UNC79: variants seen among roughly 807,000 people sequenced by gnomAD.
UNC79 encodes protein unc-79 homolog.
Under a neutral mutation model 283.1 loss-of-function variants are expected in UNC79, and 37 were observed. The ratio of observed to expected loss-of-function variants is 0.13; its 90% CI spans 0.10 to 0.17. The LOEUF is 0.17. UNC79 is among the 10% of genes least tolerant of loss of function. UNC79 has a pLI of 1.00. For missense variants in UNC79, 2,272 were observed against 3,211.1 expected (o/e 0.71, Z 7.07); for synonymous variants, 1,107 against 1,200.2 (o/e 0.92, Z 1.61).
At chr14:93,573,834 G>A (rs913864012) in intron 16 of UNC79, among the ~76,000 whole-genome samples, 14 of 152,236 alleles carry the variant, frequency 9.2e-5, no homozygotes, top group African/African-American at 2.9e-4. Context: ...GCCAAAGCCC[G>A]TCTCTACAAA....
Position 93,659,275 on chromosome 14 carries a change from A to G in UNC79, c.6525+14A>G, listed in dbSNP as rs764833523. ...AATGCTACAAGGGTATGTATGTTTC[A>G]GAAAAACATAACCAATTGGTTAGTC... On this transcript the variant is annotated intron_variant, in intron 39 of 48. Transcript: ENST00000555664. 1 of 1,594,658 alleles carries G rather than the reference A, an allele frequency of 6.3e-7. No individual in the cohort carries two copies. The highest frequency in any genetic ancestry group is 1.2e-5 in the South Asian group (1 of 86,936).
At chr14:93,379,481 C>T (rs1231374966) in intron 1 of UNC79, among the ~76,000 whole-genome samples, 2 of 152,120 alleles carry the variant, frequency 1.3e-5, no homozygotes, top group Admixed American at 1.3e-4. Flanking sequence ...CAAGTATCAC[C>T]TTACATCCTG....
intron 7 of UNC79, among the ~76,000 whole-genome samples, chr14:93,501,972 T>C (rs1167942842): frequency 6.6e-6 from 1 of 152,208 alleles, no homozygotes; most frequent in African/African-American, 2.4e-5. Context: ...AATTATATAT[T>C]ATTTTCTAAA....
At chr14:93,681,126 A>G (rs2073812679) in intron 41 of UNC79, among the ~76,000 whole-genome samples, 2 of 152,204 alleles carry the variant, frequency 1.3e-5, no homozygotes, top group African/African-American at 4.8e-5. Context: ...TTCAGAGTTA[A>G]TGGCTAAATA....
chr14:93,605,715 C>T (rs557690883), intron 26 of UNC79, among the ~76,000 whole-genome samples: 2 of 152,220 alleles, frequency 1.3e-5, no homozygotes, highest in East Asian at 3.8e-4. Context: ...CAGAATGGTA[C>T]AGACATTCTC....
intron 16 of UNC79, among the ~76,000 whole-genome samples, 192 bp from the exon 17 acceptor site, chr14:93,574,866 A>T (rs2063388946): frequency 1.3e-5 from 2 of 152,302 alleles, no homozygotes; most frequent in African/African-American, 4.8e-5. Context: ...GGGTGAGGAA[A>T]GGAGAAAGTT....
exon 4 of UNC79, chr14:93,477,679 C>T: frequency 1.2e-6 from 2 of 1,613,422 alleles, no homozygotes; most frequent in Non-Finnish European, 1.7e-6. Flanking sequence ...CATTTCTGCA[C>T]AAGGATATCA....
At chr14:93,352,792 A>G (rs2054002927) in intron 1 of UNC79, among the ~76,000 whole-genome samples, 1 of 152,212 alleles carries the variant, frequency 6.6e-6, no homozygotes, top group Non-Finnish European at 1.5e-5. Context: ...GGACTTAACA[A>G]TGGGGTTACC....
upstream of UNC79, among the ~76,000 whole-genome samples, chr14:93,427,657 A>AT (rs368982819): frequency 5.5e-4 from 81 of 146,424 alleles, no homozygotes; most frequent in South Asian, 3.2e-3. Flanking sequence ...TAAGAAGCAG[A>AT]TTTTTTTTTT....
chr14:93,346,162 A>G (rs1344166430), intron 1 of UNC79, among the ~76,000 whole-genome samples: 2 of 152,074 alleles, frequency 1.3e-5, no homozygotes, highest in Non-Finnish European at 2.9e-5. Flanking sequence ...TTAAGGATGT[A>G]CTACAGCAAA....
rs534078918 is a variant in UNC79 at position 93,630,256 on chromosome 14, A to C, written c.5609-545A>C. ...CAGACAATTAGATTATAGTGTGGTA[A>C]GTCTGGAGAAGGTTAAAGACAAGGT... is the stretch of plus-strand genomic sequence containing the variant. On this transcript the variant is annotated intron_variant, in intron 30 of 48. Transcript: ENST00000555664. Among the ~76,000 whole-genome samples, 7 of 152,350 alleles carry C rather than the reference A, an allele frequency of 4.6e-5. No homozygotes were observed. The South Asian group carries it at 1.2e-3, about 27-fold the overall frequency.
At chr14:93,706,874 G>T (rs879026260) in exon 49 of UNC79, 2 of 1,614,156 alleles carry the variant, frequency 1.2e-6, no homozygotes, top group Non-Finnish European at 1.7e-6. Context: ...TCCAGTCCTC[G>T]GAAGCAGCCT....
intron 26 of UNC79, among the ~76,000 whole-genome samples, chr14:93,612,249 G>T (rs2066367029): frequency 6.6e-6 from 1 of 152,184 alleles, no homozygotes; most frequent in Non-Finnish European, 1.5e-5. Flanking sequence ...TTCATTTAAA[G>T]AGTGCCTATT....
Position 93,617,395 on chromosome 14 carries a change from T to C in UNC79, c.4224+91T>C. 1 of 1,393,558 alleles carries C rather than the reference T, an allele frequency of 7.2e-7. No individual in the cohort carries two copies. Among genetic ancestry groups the C allele is most frequent in the African/African-American group, 1.4e-5 (1 of 69,348 alleles). The allele number at this position is 1,393,558 out of a possible 1,614,324, so 86.3% of individuals were successfully genotyped here. On this transcript the variant is annotated intron_variant, in intron 28 of 48. Transcript: ENST00000555664. This position sits in a 1 kb window ranked among gnomAD's most constrained non-coding sequence, Gnocchi z 4.5. ...GAACACCTGAGTCTTTAGTTGAAAA[T>C]TTTGTAGAAGTTTGACCTTCAGAAG...
intron 1 of UNC79, among the ~76,000 whole-genome samples, chr14:93,397,587 C>T (rs1465364024): frequency 1.3e-5 from 2 of 152,110 alleles, no homozygotes; most frequent in African/African-American, 4.8e-5. Context: ...TGGTTCCTGC[C>T]TGTAATCCTA....
At position 93,652,540 on chromosome 14, in the gene UNC79, G is replaced by A. The variant is rs934027258; in HGVS notation, c.6084-1202G>A. On this transcript the variant is annotated intron_variant, in intron 35 of 48. Coordinates refer to ENST00000555664, the Ensembl canonical transcript of UNC79. ...CTCCCAAAATGCTGGGATTACAGGCGATAGTCACTGTGCCTGGCCCAGTCT... is the reference window on the plus strand; with the variant it reads ...CTCCCAAAATGCTGGGATTACAGGCAATAGTCACTGTGCCTGGCCCAGTCT... Among the ~76,000 whole-genome samples the A allele has an allele frequency of 2.6e-5, 4 of 152,212 alleles. No individual in the cohort carries two copies. The East Asian group carries it at 7.7e-4, about 29-fold the overall frequency.
At chr14:93,533,041 C>T (rs897639195) in intron 11 of UNC79, among the ~76,000 whole-genome samples, 2 of 151,884 alleles carry the variant, frequency 1.3e-5, no homozygotes, top group African/African-American at 2.4e-5. Flanking sequence ...ATACATGTAG[C>T]TAAAGATTCT....
chr14:93,441,101 G>GTT (rs768266681), intron 1 of UNC79, among the ~76,000 whole-genome samples: 4 of 152,018 alleles, frequency 2.6e-5, no homozygotes, highest in Non-Finnish European at 5.9e-5. Flanking sequence ...CTTAATCGAA[G>GTT]TTATTACTGT....
intron 11 of UNC79, among the ~76,000 whole-genome samples, chr14:93,536,201 A>G (rs1762187316): frequency 1.3e-5 from 2 of 152,248 alleles, no homozygotes; most frequent in African/African-American, 2.4e-5. Context: ...GAAGGTAGTC[A>G]TGTCCGAATC....
Sources: gnomAD v4.1 joint callset for allele counts (sites outside exome capture counted in the v4.1 genomes callset) on GRCh38, gnomAD v4.1.1 for gene constraint, Gnocchi (gnomAD v3.1) non-coding constraint, MANE v1.5 for transcripts, NCBI Gene and HGNC (gene_info 2026-07-23, HGNC 2026-07-21) for gene names.